Variants in XKR4 observed in about 807,000 individuals in gnomAD.
The protein encoded by XKR4 is XK related 4, also known as XK-related protein 4.
XKR4 carries 12 observed loss-of-function variants against 53.9 expected under a neutral mutation model. The observed-to-expected ratio is 0.22, with a 90% confidence interval of 0.14 to 0.36. The LOEUF (loss-of-function observed/expected upper bound fraction) is 0.36, where lower values mean the gene tolerates loss of function less well. Ranked by LOEUF, XKR4 falls within the 10% of genes least tolerant of loss-of-function variation. XKR4 has a pLI of 1.00. For synonymous variants in XKR4, 354 were observed against 362.4 expected, an observed-to-expected ratio of 0.98 and a Z score of 0.26; for missense variants, 799 against 859.5, an observed-to-expected ratio of 0.93 and a Z score of 0.88.
chr8:55,458,575 A>T (rs1805604785), intron 2 of XKR4, among the ~76,000 whole-genome samples: 1 of 152,180 alleles, frequency 6.6e-6, no homozygotes, highest in Non-Finnish European at 1.5e-5. Context: ...GAATTGAAGG[A>T]TGGTAAATGC....
intron 1 of XKR4, among the ~76,000 whole-genome samples, chr8:55,289,174 T>C (rs1390115897): frequency 6.6e-6 from 1 of 152,168 alleles, no homozygotes; most frequent in Non-Finnish European, 1.5e-5. Flanking sequence ...GACACCTTCC[T>C]AAGAGTGCTA....
intron 1 of XKR4, among the ~76,000 whole-genome samples, chr8:55,103,635 G>A (rs1264096703): frequency 6.6e-6 from 1 of 151,808 alleles, no homozygotes; most frequent in African/African-American, 2.4e-5. Context: ...GTGAGTAGGA[G>A]AGGATTCCTG....
At chr8:55,360,746 AAT>A (rs1467646311) in intron 2 of XKR4, among the ~76,000 whole-genome samples, 4 of 152,260 alleles carry the variant, frequency 2.6e-5, no homozygotes, top group African/African-American at 9.6e-5. Context: ...GCTTTTAAAA[AAT>A]AAGAAAAATC....
chr8:55,226,844 C>T (rs114931847), intron 1 of XKR4, among the ~76,000 whole-genome samples: 1,970 of 152,282 alleles, frequency 0.013, 44 homozygotes, highest in African/African-American at 0.045. Flanking sequence ...CGAGTCTTAT[C>T]CCATTATCCT....
At position 55,464,735 on chromosome 8, in the gene XKR4, C is replaced by T. The variant is rs575681152; in HGVS notation, c.1007-58546C>T. 7.9e-4 allele frequency among the ~76,000 whole-genome samples: 120 copies of T among 152,198 alleles called. 1 individual carries two copies. Among genetic ancestry groups the T allele is most frequent in the African/African-American group, 2.8e-3 (118 of 41,510 alleles). On this transcript the variant is annotated intron_variant, in intron 2 of 2. Transcript: ENST00000327381. ...ATGACATGATTGTATATTTAGAAAA[C>T]CCCATTTTCTCAGCCCAAAATCTCC...
chr8:55,461,566 G>A (rs1273794282), intron 2 of XKR4, among the ~76,000 whole-genome samples: 5 of 152,226 alleles, frequency 3.3e-5, no homozygotes, highest in African/African-American at 1.2e-4. Context: ...AAATCAGAGT[G>A]CCTCTCCTTC....
chr8:55,370,254 CA>C (rs1446299273), intron 2 of XKR4, among the ~76,000 whole-genome samples: 34 of 152,170 alleles, frequency 2.2e-4, no homozygotes, highest in Non-Finnish European at 1.6e-4. Context: ...GTTTCTGACA[CA>C]AATGCTCAGG....
At chr8:55,110,251 C>G (rs1816213375) in intron 1 of XKR4, among the ~76,000 whole-genome samples, 1 of 152,142 alleles carries the variant, frequency 6.6e-6, no homozygotes, top group Non-Finnish European at 1.5e-5. Context: ...GAAATATTCT[C>G]TTAAATGGCA....
intron 1 of XKR4, among the ~76,000 whole-genome samples, chr8:55,320,145 C>G (rs1161727916): frequency 6.6e-6 from 1 of 152,152 alleles, no homozygotes; most frequent in Non-Finnish European, 1.5e-5. Flanking sequence ...GGCTAGAAAG[C>G]CTTACTCTGT....
At chr8:55,200,718 A>G (rs537043201) in intron 1 of XKR4, among the ~76,000 whole-genome samples, 2 of 152,344 alleles carry the variant, frequency 1.3e-5, no homozygotes, top group South Asian at 4.1e-4. Flanking sequence ...CTTGCTATGA[A>G]AGTCTTACGG....
At chr8:55,227,900 C>T (rs964575466) in intron 1 of XKR4, among the ~76,000 whole-genome samples, 1 of 152,086 alleles carries the variant, frequency 6.6e-6, no homozygotes. Context: ...ATATCATTAC[C>T]GTTTTTTGTT....
chr8:55,525,279 G>A lies in XKR4; in HGVS notation c.*1052G>A, dbSNP rs998377784. On this transcript the variant is annotated 3_prime_UTR_variant, in exon 3 of 3. Transcript: ENST00000327381. ...AACACCATCCAACCACAGGACTGAC[G>A]TGGAAGCCCCAAACAACTGAGAATG... The A allele has an allele frequency of 1.3e-5, 2 of 152,658 alleles. No individual in the cohort carries two copies. The highest frequency in any genetic ancestry group is 4.8e-5 in the African/African-American group (2 of 41,444). The allele number at this position is 152,658 out of a possible 1,614,324, so 9.5% of individuals were successfully genotyped here. A position where few individuals can be genotyped will look rare whatever the true frequency, so the allele number is the denominator to read the frequency against.
intron 2 of XKR4, among the ~76,000 whole-genome samples, chr8:55,410,637 G>A (rs992547878): frequency 1.3e-5 from 2 of 149,808 alleles, no homozygotes; most frequent in Non-Finnish European, 3.0e-5. Context: ...CTCCCCATCC[G>A]TCCCCATTTG....
At chr8:55,434,248 T>G (rs143615901) in intron 2 of XKR4, among the ~76,000 whole-genome samples, 181 of 152,364 alleles carry the variant, frequency 1.2e-3, no homozygotes, top group African/African-American at 4.1e-3. Context: ...ACTTGTAACC[T>G]AATTGAATTA....
intron 1 of XKR4, among the ~76,000 whole-genome samples, chr8:55,318,258 C>A (rs60119716): frequency 6.6e-6 from 1 of 152,082 alleles, no homozygotes; most frequent in Admixed American, 6.5e-5. Flanking sequence ...CAAATAGGTA[C>A]TATAAGAGCA....
intron 1 of XKR4, among the ~76,000 whole-genome samples, chr8:55,106,690 C>T (rs1357258820): frequency 6.6e-6 from 1 of 152,084 alleles, no homozygotes; most frequent in Non-Finnish European, 1.5e-5. Flanking sequence ...CTGAATTTCT[C>T]CTATGTATGT....
At chr8:55,158,195 A>C (rs1816935050) in intron 1 of XKR4, among the ~76,000 whole-genome samples, 1 of 152,150 alleles carries the variant, frequency 6.6e-6, no homozygotes, top group African/African-American at 2.4e-5. Context: ...TTTAATAGCC[A>C]TTCTGACTAG....
chr8:55,289,670 AAAG>A (rs1485521102), intron 1 of XKR4, among the ~76,000 whole-genome samples: 3 of 53,804 alleles, frequency 5.6e-5, no homozygotes, highest in Admixed American at 1.7e-4. Context: ...AAAGAAAAGA[AAAG>A]AAAGAGAAAG....
chr8:55,206,770 A>AT (rs1245693185), intron 1 of XKR4, among the ~76,000 whole-genome samples: 5 of 151,942 alleles, frequency 3.3e-5, no homozygotes, highest in Non-Finnish European at 5.9e-5. Flanking sequence ...TTTGAAGACC[A>AT]TTTTTTTTCG....
Sources: allele counts gnomAD v4.1 joint callset (sites outside exome capture counted in the v4.1 genomes callset), GRCh38; gene constraint gnomAD v4.1.1; transcripts MANE v1.5; gene names NCBI Gene and HGNC (gene_info 2026-07-23, HGNC 2026-07-21).